TMTC2: variants seen among roughly 807,000 people sequenced by gnomAD.
TMTC2 encodes the protein transmembrane O-mannosyltransferase targeting cadherins 2.
TMTC2 carries 43 observed loss-of-function variants against 82.4 expected under a neutral mutation model. That is an observed-to-expected ratio of 0.52 (90% CI 0.41 to 0.67). TMTC2 has a LOEUF of 0.67. TMTC2 is among the 30% of genes least tolerant of loss of function. The pLI is 0.00. For synonymous variants in TMTC2, 408 were observed against 381.9 expected, an observed-to-expected ratio of 1.07 and a Z score of -0.80; for missense variants, 919 against 1,012.4, an observed-to-expected ratio of 0.91 and a Z score of 1.25.
chr12:83,107,077 A>G (rs923101485), intron 11 of TMTC2, among the ~76,000 whole-genome samples: 2 of 152,236 alleles, frequency 1.3e-5, no homozygotes, highest in Non-Finnish European at 2.9e-5. Context: ...TGCCAGAAAT[A>G]CAGTGTTCAT....
chr12:82,688,786 C>G (rs1872451384), intron 1 of TMTC2, among the ~76,000 whole-genome samples: 1 of 152,082 alleles, frequency 6.6e-6, no homozygotes, highest in Non-Finnish European at 1.5e-5. Flanking sequence ...AGGGTTAGGG[C>G]GAGGCAGTGA....
At chr12:82,693,153 T>C (rs192560417) in intron 1 of TMTC2, among the ~76,000 whole-genome samples, 3 of 152,356 alleles carry the variant, frequency 2.0e-5, no homozygotes, top group Non-Finnish European at 1.5e-5. Context: ...AGTCTAATGA[T>C]AGATCTATAC....
intron 9 of TMTC2, among the ~76,000 whole-genome samples, chr12:83,038,305 C>T (rs2137435227): frequency 6.6e-6 from 1 of 151,514 alleles, no homozygotes; most frequent in East Asian, 1.9e-4. Flanking sequence ...TATATATATA[C>T]TCAAAAAAAA....
intron 3 of TMTC2, among the ~76,000 whole-genome samples, chr12:82,915,203 T>G (rs895931217): frequency 6.6e-6 from 1 of 152,132 alleles, no homozygotes; most frequent in African/African-American, 2.4e-5. Context: ...AACTTTGCAG[T>G]AAGGTAGATG....
At chr12:82,717,433 G>A (rs1335074335) in intron 1 of TMTC2, among the ~76,000 whole-genome samples, 1 of 151,970 alleles carries the variant, frequency 6.6e-6, no homozygotes, top group African/African-American at 2.4e-5. Flanking sequence ...GTTTTACCAT[G>A]TTGGCCAGGC....
intron 3 of TMTC2, among the ~76,000 whole-genome samples, chr12:82,901,523 C>T (rs1481826307): frequency 1.3e-5 from 2 of 151,476 alleles, no homozygotes; most frequent in Non-Finnish European, 2.9e-5. Context: ...AGGTTGGTCT[C>T]AAACTCCTGA....
At chr12:82,733,369 T>C (rs1874930205) in intron 1 of TMTC2, among the ~76,000 whole-genome samples, 10 of 152,190 alleles carry the variant, frequency 6.6e-5, no homozygotes, top group Admixed American at 6.5e-4. Context: ...GATTCAAAGA[T>C]AAATAAATAC....
chr12:82,758,922 A>G (rs1876474020), intron 1 of TMTC2: 1 of 152,198 alleles, frequency 6.6e-6, no homozygotes. Context: ...CAGTGTAGCC[A>G]TAAGGAAAAC....
intron 11 of TMTC2, among the ~76,000 whole-genome samples, chr12:83,109,192 G>A (rs1884516096): frequency 6.6e-6 from 1 of 152,184 alleles, no homozygotes; most frequent in African/African-American, 2.4e-5. Context: ...CATACAGGAA[G>A]CATGTTGGCA....
At chr12:83,112,744 G>T (rs1282959538) in intron 11 of TMTC2, among the ~76,000 whole-genome samples, 1 of 152,124 alleles carries the variant, frequency 6.6e-6, no homozygotes, top group African/African-American at 2.4e-5. Context: ...TTTTTGTTCT[G>T]CTTGTTCAGA....
intron 11 of TMTC2, among the ~76,000 whole-genome samples, chr12:83,121,559 A>G (rs1161862719): frequency 6.6e-6 from 1 of 152,028 alleles, no homozygotes; most frequent in African/African-American, 2.4e-5. Flanking sequence ...TGGAGGTGGC[A>G]GGGGGGTGAA....
chr12:82,850,090 G>A (rs1207592752), intron 1 of TMTC2, among the ~76,000 whole-genome samples: 1 of 151,980 alleles, frequency 6.6e-6, no homozygotes, highest in Non-Finnish European at 1.5e-5. Flanking sequence ...TCCTACCCAC[G>A]TGGACTGAGA....
rs1885320853 is a variant in TMTC2, at chr12:83,133,171, A to G, written c.*782A>G. On this transcript the variant is annotated 3_prime_UTR_variant, in exon 12 of 12. Coordinates refer to ENST00000321196, the MANE Select transcript of TMTC2 (RefSeq NM_152588.3). ...GTCAATATTTTCCCCCAAACTGCCC[A>G]GTAGAATTCATTGTATTAATTCTTT... 1.3e-5 allele frequency: 2 copies of G among 152,224 alleles called. No individual in the cohort carries two copies. The highest frequency in any genetic ancestry group is 1.3e-4 in the Admixed American group (2 of 15,278). The allele number at this position is 152,224 out of a possible 1,614,324, so 9.4% of individuals were successfully genotyped here. A position where few individuals can be genotyped will look rare whatever the true frequency, so the allele number is the denominator to read the frequency against.
chr12:83,072,144 G>T (rs1446331698), intron 11 of TMTC2, among the ~76,000 whole-genome samples: 1 of 152,002 alleles, frequency 6.6e-6, no homozygotes, highest in African/African-American at 2.4e-5. Flanking sequence ...TAGGCGCTTA[G>T]GGCTGTGAAC....
intron 1 of TMTC2, among the ~76,000 whole-genome samples, chr12:82,716,614 G>A (rs1873915352): frequency 6.6e-6 from 1 of 151,984 alleles, no homozygotes; most frequent in Non-Finnish European, 1.5e-5. Context: ...CGCCTGTCTC[G>A]GCCTCCCAAA....
At chr12:82,759,529 ACT>A (rs1199292068) in intron 1 of TMTC2, 11 of 152,140 alleles carry the variant, frequency 7.2e-5, no homozygotes, top group Admixed American at 3.3e-4. Context: ...CATTTTAGTA[ACT>A]CTCTGATGTG....
At chr12:82,842,867 C>T (rs1267151852) in intron 1 of TMTC2, among the ~76,000 whole-genome samples, 1 of 152,118 alleles carries the variant, frequency 6.6e-6, no homozygotes, top group African/African-American at 2.4e-5. Flanking sequence ...GATTAGGACC[C>T]ACCCGAAATG....
chr12:82,830,532 CT>C (rs1342488146), intron 1 of TMTC2, among the ~76,000 whole-genome samples: 2 of 151,992 alleles, frequency 1.3e-5, no homozygotes, highest in Non-Finnish European at 2.9e-5. Context: ...TCCTAGAAGC[CT>C]TTTTTTCTTA....
chr12:82,991,541 A>G (rs1023443791), intron 8 of TMTC2, among the ~76,000 whole-genome samples: 3 of 152,156 alleles, frequency 2.0e-5, no homozygotes, highest in Non-Finnish European at 4.4e-5. Context: ...ATCCTGGGGA[A>G]TAGTTTTGTA....
Sources: gnomAD v4.1 joint callset for allele counts (sites outside exome capture counted in the v4.1 genomes callset) on GRCh38, gnomAD v4.1.1 for gene constraint, MANE v1.5 for transcripts, NCBI Gene and HGNC (gene_info 2026-07-23, HGNC 2026-07-21) for gene names.